The following RPS6KA2 variants were observed in gnomAD, a reference collection of about 807,000 sequenced individuals.
The protein encoded by RPS6KA2 is ribosomal protein S6 kinase A2.
A neutral mutation model predicts 91.8 loss-of-function variants in RPS6KA2; 42 were observed. The ratio of observed to expected loss-of-function variants is 0.46; its 90% confidence interval spans 0.36 to 0.59. The LOEUF is 0.59. Ranked by LOEUF, RPS6KA2 falls within the 20% of genes least tolerant of loss-of-function variation. The probability of loss-of-function intolerance (pLI) is 0.00; values close to 1 mark genes in which losing one functional copy is unlikely to be tolerated. For missense variants in RPS6KA2, 798 were observed against 978.5 expected, an observed-to-expected ratio of 0.82 and a Z score of 2.46; for synonymous variants, 414 against 393.6, an observed-to-expected ratio of 1.05 and a Z score of -0.61.
intron 14 of RPS6KA2, among the ~76,000 whole-genome samples, chr6:166,441,512 C>A (rs555737892): frequency 6.6e-6 from 1 of 152,366 alleles, no homozygotes; most frequent in Non-Finnish European, 1.5e-5. Context: ...GCAGCTAACA[C>A]CCCACGTGAT....
At chr6:166,618,687 C>T (rs1206361901) in intron 1 of RPS6KA2, among the ~76,000 whole-genome samples, 1 of 152,250 alleles carries the variant, frequency 6.6e-6, no homozygotes, top group Non-Finnish European at 1.5e-5. Flanking sequence ...CCATCACCTC[C>T]GTTACATCCA....
At chr6:166,470,714 G>A (rs1366966451) in intron 10 of RPS6KA2, among the ~76,000 whole-genome samples, 1 of 152,188 alleles carries the variant, frequency 6.6e-6, no homozygotes, top group Non-Finnish European at 1.5e-5. Context: ...TCAGCTCACC[G>A]ACTGCAGAAG....
intron 2 of RPS6KA2, among the ~76,000 whole-genome samples, chr6:166,785,510 G>A (rs73266832): frequency 0.049 from 7,447 of 152,298 alleles, 608 homozygotes; most frequent in African/African-American, 0.17. Context: ...GAAAGATAGC[G>A]ACTAAGTTCA....
rs1341303744 is a variant in RPS6KA2, at chr6:166,666,646, G to C, written c.124-127862C>G. Among the ~76,000 whole-genome samples the C allele has an allele frequency of 6.6e-6, 1 of 152,176 alleles. No homozygotes were observed. The highest frequency in any genetic ancestry group is 2.1e-4 in the South Asian group (1 of 4,836). On this transcript the variant is annotated intron_variant, in intron 2 of 21. Transcript: ENST00000503859. This position sits in a 1 kb window ranked among gnomAD's most constrained non-coding sequence, Gnocchi z 4.0. ...TGTTGGCGAGGGTGCTGAAAAATTA[G>C]AATTGTTGTTTACTGTTGGTGGAAA...
At chr6:166,510,562 TATA>T (rs1715839898) in intron 3 of RPS6KA2, among the ~76,000 whole-genome samples, 4 of 12,614 alleles carry the variant, frequency 3.2e-4, no homozygotes, top group Non-Finnish European at 7.1e-4. Context: ...CTCATATATA[TATA>T]TATATATATA....
intron 2 of RPS6KA2, among the ~76,000 whole-genome samples, chr6:166,633,817 C>A (rs978618947): frequency 3.3e-5 from 5 of 152,182 alleles, no homozygotes; most frequent in Admixed American, 3.3e-4. Context: ...CTCACAAGAT[C>A]ATCACGGGCT....
chr6:166,635,781 C>G lies in RPS6KA2; in HGVS notation c.124-96997G>C, dbSNP rs1787218160. On this transcript the variant is annotated intron_variant, in intron 2 of 21. Transcript: ENST00000503859. This position sits in a 1 kb window ranked among gnomAD's most constrained non-coding sequence, Gnocchi z 4.8. ...CCCACCTACTGCGCTCACCCCAGGA[C>G]AAGCCACCATCCCCACCCTGGGGAG... Among the ~76,000 whole-genome samples, 1 of 152,088 alleles carries G rather than the reference C, an allele frequency of 6.6e-6. No individual in the cohort carries two copies. Among genetic ancestry groups the G allele is most frequent in the Non-Finnish European group, 1.5e-5 (1 of 67,998 alleles).
chr6:166,846,787 T>C (rs1780616643), intron 2 of RPS6KA2, among the ~76,000 whole-genome samples: 2 of 152,160 alleles, frequency 1.3e-5, no homozygotes, highest in Admixed American at 6.5e-5. Context: ...GCATTTCCCC[T>C]GAGAACTGGA....
chr6:166,522,606 C>G (rs754491), intron 3 of RPS6KA2, among the ~76,000 whole-genome samples: 34,239 of 152,058 alleles, frequency 0.23, 4,650 homozygotes, highest in African/African-American at 0.38. Flanking sequence ...TCCCCCACTG[C>G]GCGGCCATTG....
At chr6:166,499,154 G>A (rs112531436) in intron 7 of RPS6KA2, among the ~76,000 whole-genome samples, 9 of 152,210 alleles carry the variant, frequency 5.9e-5, no homozygotes, top group African/African-American at 1.7e-4. Context: ...GAGGCCTGGG[G>A]AGCAGAGGCC....
intron 10 of RPS6KA2, among the ~76,000 whole-genome samples, chr6:166,476,169 G>A (rs374280556): frequency 5.9e-5 from 9 of 152,334 alleles, no homozygotes; most frequent in African/African-American, 2.2e-4. Flanking sequence ...GATGGAGGCG[G>A]AGGTCAGGGT....
At chr6:166,506,045 C>G (rs1417407687) in intron 5 of RPS6KA2, among the ~76,000 whole-genome samples, 1 of 152,198 alleles carries the variant, frequency 6.6e-6, no homozygotes, top group African/African-American at 2.4e-5. Context: ...GTGAGTTCTG[C>G]AGGTTCACCG....
chr6:166,822,252 A>G (rs894567931), intron 2 of RPS6KA2, among the ~76,000 whole-genome samples: 29 of 152,232 alleles, frequency 1.9e-4, no homozygotes, highest in African/African-American at 6.3e-4. Context: ...AGCGCCTCAG[A>G]ATGTGCCTGT....
rs1044455000 is a variant in RPS6KA2, at chr6:166,500,707, G to C, written c.604+180C>G. Among the ~76,000 whole-genome samples the C allele has an allele frequency of 6.6e-6, 1 of 152,164 alleles. No individual in the cohort carries two copies. The highest frequency in any genetic ancestry group is 1.5e-5 in the Non-Finnish European group (1 of 68,024). ...ACCGGGAAGCTGCATGGGTCTGGAC[G>C]TTATGAAGACATACAATGCCATAAG... On this transcript the variant is annotated intron_variant, in intron 7 of 20. Coordinates refer to ENST00000265678, the MANE Select transcript of RPS6KA2 (RefSeq NM_021135.6). This position sits in a 1 kb window ranked among gnomAD's most constrained non-coding sequence, Gnocchi z 4.3.
chr6:166,678,621 T>C (rs58724704), intron 2 of RPS6KA2, among the ~76,000 whole-genome samples: 9,422 of 152,284 alleles, frequency 0.062, 800 homozygotes, highest in African/African-American at 0.19. Flanking sequence ...CAGTTCTCAA[T>C]GTTTGCTGTT....
intron 1 of RPS6KA2, among the ~76,000 whole-genome samples, chr6:166,591,918 G>A (rs1006157945): frequency 2.0e-5 from 3 of 152,260 alleles, no homozygotes; most frequent in South Asian, 4.1e-4. Context: ...AACCCAAGCC[G>A]GCCCACACTG....
rs1437281344 is a variant in RPS6KA2, at chr6:166,508,435, G to A, written c.380-153C>T. ...CCCCGGCTGGTGACCAGCTCAGAGG[G>A]GCAGCACCCGGCAGAGGGGGTCTGA... On this transcript the variant is annotated intron_variant, in intron 4 of 20. Transcript: ENST00000265678. This position sits in a 1 kb window ranked among gnomAD's most constrained non-coding sequence, Gnocchi z 4.3. 6.6e-6 allele frequency among the ~76,000 whole-genome samples: 1 copy of A among 151,378 alleles called. No homozygotes were observed. Among genetic ancestry groups the A allele is most frequent in the African/African-American group, 2.4e-5 (1 of 41,092 alleles).
intron 10 of RPS6KA2, among the ~76,000 whole-genome samples, chr6:166,488,148 C>A (rs571359252): frequency 6.6e-6 from 1 of 152,130 alleles, no homozygotes; most frequent in Admixed American, 6.5e-5. Flanking sequence ...ACCTGAAACA[C>A]CCTGCTCCAG....
At chr6:166,673,375 G>A (rs1324361096) in intron 2 of RPS6KA2, among the ~76,000 whole-genome samples, 5 of 152,200 alleles carry the variant, frequency 3.3e-5, no homozygotes, top group Non-Finnish European at 1.5e-5. Context: ...CTGCCATAAG[G>A]GGGTGCCCAG....
Sources: allele counts gnomAD v4.1 joint callset (sites outside exome capture counted in the v4.1 genomes callset), GRCh38; gene constraint gnomAD v4.1.1; non-coding constraint Gnocchi (gnomAD v3.1); transcripts MANE v1.5; gene names NCBI Gene and HGNC (gene_info 2026-07-23, HGNC 2026-07-21).